Variants in LRIF1 observed in about 807,000 individuals in gnomAD.
LRIF1 encodes ligand dependent nuclear receptor interacting factor 1.
LRIF1 carries 32 observed loss-of-function variants against 52.7 expected under a neutral mutation model. The ratio of observed to expected loss-of-function variants is 0.61; its 90% CI spans 0.46 to 0.82. The LOEUF (loss-of-function observed/expected upper bound fraction) is 0.82. Among genes scored for constraint, LRIF1 ranks in the 40% least tolerant of loss-of-function variants. The pLI is 0.00. For synonymous variants in LRIF1, 323 were observed against 317.4 expected (o/e 1.02, Z -0.19); for missense variants, 887 against 892.0 (o/e 0.99, Z 0.07).
intron 1 of LRIF1, among the ~76,000 whole-genome samples, chr1:110,953,266 A>G (rs538375529): frequency 8.6e-5 from 13 of 152,032 alleles, no homozygotes; most frequent in African/African-American, 2.9e-4. Flanking sequence ...TCTTCCTTCA[A>G]TAACTCACAA....
the LRIF1 span, among the ~76,000 whole-genome samples, chr1:110,928,426 G>A: frequency 6.6e-6 from 1 of 152,170 alleles, no homozygotes; most frequent in Non-Finnish European, 1.5e-5. Flanking sequence ...CATTGGAGGT[G>A]AAGCAGCCTT....
chr1:110,957,012 C>T lies in LRIF1; in HGVS notation c.69-4197G>A, dbSNP rs556949326. ...CTAATTATCCCTCCATATTGATCCTCTTACCTATCATAGTTTCCACTGTGT... is the reference window on the plus strand; with the variant it reads ...CTAATTATCCCTCCATATTGATCCTTTTACCTATCATAGTTTCCACTGTGT... On this transcript the variant is annotated intron_variant, in intron 1 of 3. Transcript: ENST00000369763. Among the ~76,000 whole-genome samples, 279 of 152,220 alleles carry T rather than the reference C, an allele frequency of 1.8e-3. 1 individual carries two copies. The highest frequency in any genetic ancestry group is 3.1e-3 in the Admixed American group (48 of 15,290).
At chr1:110,899,132 G>C in the LRIF1 span, 6 of 1,613,624 alleles carry the variant, frequency 3.7e-6, no homozygotes, top group Non-Finnish European at 5.1e-6. Context: ...AGGTGTTGGG[G>C]ATGTCCTTTG....
the LRIF1 span, among the ~76,000 whole-genome samples, chr1:110,933,573 G>A: frequency 6.6e-6 from 1 of 152,148 alleles, no homozygotes; most frequent in Non-Finnish European, 1.5e-5. Flanking sequence ...GCGGGGCATT[G>A]AACTCAGTGC....
At chr1:110,912,087 T>C in the LRIF1 span, among the ~76,000 whole-genome samples, 3 of 152,170 alleles carry the variant, frequency 2.0e-5, no homozygotes, top group African/African-American at 7.2e-5. Flanking sequence ...ACAATATAAT[T>C]CTATACCTAG....
rs1659076272 is a variant in LRIF1, at chr1:110,963,913, G to C, written c.-225C>G. ...GCGCAGAAACCGGAAGGCTCCTGGC[G>C]GTGGACTGCGCCCTCACAGCCCTAC... On this transcript the variant is annotated 5_prime_UTR_variant, in exon 1 of 4. Coordinates refer to ENST00000369763, the MANE Select transcript of LRIF1 (RefSeq NM_018372.4). The C allele has an allele frequency of 9.6e-6, 4 of 418,434 alleles. No individual in the cohort carries two copies. Among genetic ancestry groups the C allele is most frequent in the Non-Finnish European group, 1.4e-5 (3 of 220,786 alleles). 25.9% of individuals were successfully genotyped at this position (418,434 alleles called of 1,614,324 possible).
chr1:110,898,614 G>C, the LRIF1 span, among the ~76,000 whole-genome samples: 1 of 152,022 alleles, frequency 6.6e-6, no homozygotes, highest in African/African-American at 2.4e-5. Flanking sequence ...TCTGTGCTTA[G>C]TTTGACAAGT....
At chr1:110,886,469 C>G in the LRIF1 span, among the ~76,000 whole-genome samples, 1 of 152,126 alleles carries the variant, frequency 6.6e-6, no homozygotes, top group East Asian at 1.9e-4. Flanking sequence ...TCTCTCTTCT[C>G]TCCTCAATTT....
the LRIF1 span, among the ~76,000 whole-genome samples, chr1:110,934,065 A>G: frequency 1.3e-5 from 2 of 152,162 alleles, no homozygotes; most frequent in African/African-American, 4.8e-5. Context: ...TAGCTCCTGG[A>G]TGACATTTCT....
the LRIF1 span, among the ~76,000 whole-genome samples, chr1:110,905,582 A>G: frequency 1.1e-4 from 16 of 152,280 alleles, no homozygotes; most frequent in African/African-American, 3.4e-4. Flanking sequence ...TCCCAGACAA[A>G]CAAAAGCTGA....
Position 110,957,470 on chromosome 1 carries a change from C to CAAAAAAAAAAAAAAAAAAAAAAAA in LRIF1, c.69-4656_69-4655insTTTTTTTTTTTTTTTTTTTTTTTT, listed in dbSNP as rs34396800. On this transcript the variant is annotated intron_variant, in intron 1 of 3. Coordinates refer to ENST00000369763, the MANE Select transcript of LRIF1 (RefSeq NM_018372.4). ...TGGGCGACAAAGCAAGACTCAGTCT[C>CAAAAAAAAAAAAAAAAAAAAAAAA]AAAAAAAAAAAAAAAAAAAAAAGAC... is the stretch of plus-strand genomic sequence containing the variant. Among the ~76,000 whole-genome samples, 16 of 42,792 alleles carry CAAAAAAAAAAAAAAAAAAAAAAAA rather than the reference C, an allele frequency of 3.7e-4. 2 individuals are homozygous for CAAAAAAAAAAAAAAAAAAAAAAAA. Among genetic ancestry groups the CAAAAAAAAAAAAAAAAAAAAAAAA allele is most frequent in the East Asian group, 9.1e-4 (1 of 1,096 alleles). 28.1% of individuals were successfully genotyped at this position (42,792 alleles called of 152,430 possible).
intron 1 of LRIF1, among the ~76,000 whole-genome samples, chr1:110,957,789 ATTTAC>A (rs530064042): frequency 7.4e-4 from 113 of 152,236 alleles, no homozygotes; most frequent in Non-Finnish European, 1.4e-3. Context: ...CATCATTCTT[ATTTAC>A]TTTAAATTCA....
the LRIF1 span, chr1:110,892,547 G>A: frequency 1.2e-6 from 2 of 1,601,660 alleles, no homozygotes; most frequent in Admixed American, 1.7e-5. Context: ...AGTCCTTACA[G>A]CAGATGTGGT....
chr1:110,945,161 G>GA (rs1228540001), downstream of LRIF1: 2 of 152,108 alleles, frequency 1.3e-5, no homozygotes, highest in Admixed American at 6.5e-5. Context: ...AGGATTACAG[G>GA]TATGAGTATG....
chr1:110,950,016 A>G lies in LRIF1; in HGVS notation c.1704T>C (p.Ala568=). 6.2e-7 allele frequency: 1 copy of G among 1,614,142 alleles called. No individual in the cohort carries two copies. The highest frequency in any genetic ancestry group is 8.5e-7 in the Non-Finnish European group (1 of 1,180,014). Residue 568 remains alanine (A), a synonymous_variant, in exon 3 of 4, where the codon GCT becomes GCC. Coordinates refer to ENST00000369763, the MANE Select transcript of LRIF1 (RefSeq NM_018372.4). ...TAAGGCCAAATATCTTTTTAAATTC[A>G]GCATCACTCTTCAGATGTAATGCCT... is the stretch of plus-strand genomic sequence containing the variant. ...SNKALHLKSD[A]EFKKIFGLTK...
the LRIF1 span, among the ~76,000 whole-genome samples, chr1:110,935,282 G>A: frequency 3.3e-5 from 5 of 152,146 alleles, no homozygotes; most frequent in Non-Finnish European, 7.4e-5. Flanking sequence ...AGACACCAAT[G>A]AACATCTACT....
chr1:110,892,099 C>T, the LRIF1 span, among the ~76,000 whole-genome samples: 1 of 152,162 alleles, frequency 6.6e-6, no homozygotes, highest in Admixed American at 6.5e-5. Context: ...CTGTGTGGCT[C>T]ACAGAAGTGA....
chr1:110,932,477 G>A, the LRIF1 span, among the ~76,000 whole-genome samples: 1 of 152,048 alleles, frequency 6.6e-6, no homozygotes, highest in Non-Finnish European at 1.5e-5. Context: ...CTCTTTTTTG[G>A]TTCCATGTGA....
chr1:110,907,158 C>A, the LRIF1 span, among the ~76,000 whole-genome samples: 1 of 152,104 alleles, frequency 6.6e-6, no homozygotes, highest in Non-Finnish European at 1.5e-5. Context: ...TAGCCAAATC[C>A]CCCTTTTGAG....
Sources: allele counts gnomAD v4.1 joint callset (sites outside exome capture counted in the v4.1 genomes callset), GRCh38; gene constraint gnomAD v4.1.1; transcripts MANE v1.5; gene names NCBI Gene and HGNC (gene_info 2026-07-23, HGNC 2026-07-21).